The following LEPR variants were observed in gnomAD, a reference collection of about 807,000 sequenced individuals.
LEPR encodes OB receptor.
In LEPR, 56 loss-of-function variants were observed where a neutral mutation model predicts 114.7. The observed-to-expected ratio is 0.49, with a 90% CI of 0.39 to 0.61. LEPR has a LOEUF of 0.61. Ranked by LOEUF, LEPR falls within the 20% of genes least tolerant of loss-of-function variation. The probability of loss-of-function intolerance (pLI) is 0.00; values close to 1 mark genes in which losing one functional copy is unlikely to be tolerated. For synonymous variants in LEPR, 443 were observed against 461.4 expected (o/e 0.96, Z 0.51); for missense variants, 1,202 against 1,352.9 (o/e 0.89, Z 1.75).
At chr1:65,506,534 A>G (rs2100539939) in intron 2 of LEPR, among the ~76,000 whole-genome samples, 1 of 152,350 alleles carries the variant, frequency 6.6e-6, no homozygotes, top group Non-Finnish European at 1.5e-5. Flanking sequence ...TAGAACTTCC[A>G]TGTTCACAGA....
intron 15 of LEPR, 104 bp downstream of exon 15, chr1:65,616,328 A>G (rs1657521618): frequency 1.7e-6 from 2 of 1,207,792 alleles, no homozygotes; most frequent in Non-Finnish European, 2.3e-6. Flanking sequence ...AATTCTCTGC[A>G]TCTGAAAGTC....
chr1:65,421,783 T>C (rs1191465331), intron 1 of LEPR, among the ~76,000 whole-genome samples: 3 of 152,212 alleles, frequency 2.0e-5, no homozygotes, highest in Non-Finnish European at 2.9e-5. Context: ...TGAAAAGTAG[T>C]GTCTCAGTAC....
chr1:65,488,198 T>TCTCTCTCTCTC (rs1647633683), intron 2 of LEPR, among the ~76,000 whole-genome samples: 1 of 24,604 alleles, frequency 4.1e-5, no homozygotes, highest in Non-Finnish European at 8.1e-5. Context: ...CTTTCTTTCT[T>TCTCTCTCTCTC]TCTTTCTTTC....
intron 2 of LEPR, among the ~76,000 whole-genome samples, chr1:65,547,553 G>A (rs1399029172): frequency 6.6e-6 from 1 of 151,688 alleles, no homozygotes; most frequent in Non-Finnish European, 1.5e-5. Flanking sequence ...TATGTGTCGA[G>A]GAATTTATCC....
chr1:65,436,548 C>T (rs1440389397), intron 2 of LEPR, among the ~76,000 whole-genome samples: 1 of 151,994 alleles, frequency 6.6e-6, no homozygotes, highest in African/African-American at 2.4e-5. Flanking sequence ...TTGATAATAC[C>T]AACATAACTA....
At chr1:65,601,311 TTGTGAA>T in intron 8 of LEPR, 75 bp from the exon 9 acceptor site, 1 of 1,511,966 alleles carries the variant, frequency 6.6e-7, no homozygotes, top group South Asian at 1.2e-5. Context: ...CTGGAATGTG[TTGTGAA>T]TATTTTTCGA....
chr1:65,601,880 C>T lies in LEPR; in HGVS notation c.1323C>T (p.Tyr441=). The stretch of plus-strand genomic sequence containing the variant: ...ATATCTCATGTGAAACTGATGGGTA[C>T]TTAACTAAAATGACTTGCAGATGGT... ...NINISCETDG[Y]LTKMTCRWST... is the part of the protein sequence containing the mutation. The change falls in exon 10 of 20, where the codon TAC becomes TAT. Residue 441 remains tyrosine (Y), a synonymous_variant. Transcript: ENST00000349533. 6.2e-7 allele frequency: 1 copy of T among 1,613,564 alleles called. No homozygotes were observed. Among genetic ancestry groups the T allele is most frequent in the Non-Finnish European group, 8.5e-7 (1 of 1,179,650 alleles).
At chr1:65,568,007 G>A (rs1461725463) in intron 3 of LEPR, among the ~76,000 whole-genome samples, 2 of 152,076 alleles carry the variant, frequency 1.3e-5, no homozygotes, top group African/African-American at 4.8e-5. Flanking sequence ...ACCTTTATCT[G>A]CAGCTTTAGA....
chr1:65,472,615 G>T (rs12129378), intron 2 of LEPR, among the ~76,000 whole-genome samples: 16 of 137,144 alleles, frequency 1.2e-4, no homozygotes, highest in East Asian at 2.4e-4. Context: ...TATATATATA[G>T]ACACACACAC....
chr1:65,481,688 A>G (rs1194414195), intron 2 of LEPR, among the ~76,000 whole-genome samples: 17 of 152,070 alleles, frequency 1.1e-4, no homozygotes, highest in Non-Finnish European at 2.5e-4. Context: ...AAAAGTAATT[A>G]CAGCAATATG....
intron 2 of LEPR, among the ~76,000 whole-genome samples, chr1:65,457,165 T>A (rs1646887778): frequency 6.6e-6 from 1 of 152,186 alleles, no homozygotes; most frequent in South Asian, 2.1e-4. Context: ...TAAGCATACA[T>A]AAGCATATAG....
intron 2 of LEPR, among the ~76,000 whole-genome samples, chr1:65,542,070 G>C (rs1285013681): frequency 1.3e-5 from 2 of 152,086 alleles, no homozygotes; most frequent in Non-Finnish European, 2.9e-5. Context: ...TATAGATTTG[G>C]ATTTTTTCTT....
At chr1:65,545,811 A>G (rs1322394374) in intron 2 of LEPR, among the ~76,000 whole-genome samples, 1 of 151,608 alleles carries the variant, frequency 6.6e-6, no homozygotes. Context: ...CTTTAGTTTA[A>G]TGAGATCTCA....
At chr1:65,434,251 CTG>C in intron 2 of LEPR, 2 of 979,278 alleles carry the variant, frequency 2.0e-6, no homozygotes, top group Non-Finnish European at 2.4e-6. Context: ...ATTGCTATAT[CTG>C]AATATATAAT....
chr1:65,495,799 AC>A (rs1298771465), intron 2 of LEPR, among the ~76,000 whole-genome samples: 6 of 152,204 alleles, frequency 3.9e-5, no homozygotes, highest in Non-Finnish European at 8.8e-5. Flanking sequence ...TAAGCCAAGC[AC>A]AGAACGACAC....
intron 2 of LEPR, among the ~76,000 whole-genome samples, chr1:65,474,103 C>T (rs1036779870): frequency 6.6e-6 from 1 of 152,182 alleles, no homozygotes; most frequent in Admixed American, 6.5e-5. Flanking sequence ...TTAACAGCTT[C>T]GTATGTGTGT....
rs138606315 is a variant in LEPR, at chr1:65,551,454, A to G, written c.-20-14092A>G. Among the ~76,000 whole-genome samples, 700 of 152,278 alleles carry G rather than the reference A, an allele frequency of 4.6e-3. 9 individuals carry two copies. Among genetic ancestry groups the G allele is most frequent in the African/African-American group, 0.016 (681 of 41,544 alleles). Reference sequence around the variant, plus strand: ...CTAGTCTTGGGAGGTGTATGGGTCTAGGAATTTATCCATTTCTTCTAGATT... The same window carrying G: ...CTAGTCTTGGGAGGTGTATGGGTCTGGGAATTTATCCATTTCTTCTAGATT... On this transcript the variant is annotated intron_variant, in intron 2 of 19. Transcript: ENST00000349533.
At chr1:65,478,357 A>G (rs1489903712) in intron 2 of LEPR, among the ~76,000 whole-genome samples, 1 of 152,228 alleles carries the variant, frequency 6.6e-6, no homozygotes. Flanking sequence ...ATTATATTAC[A>G]TCTAAAAGGC....
At chr1:65,440,384 A>G (rs10889550) in intron 2 of LEPR, among the ~76,000 whole-genome samples, 19,098 of 151,318 alleles carry the variant, frequency 0.13, 2,290 homozygotes, top group African/African-American at 0.32. Flanking sequence ...GTAGGGAAGC[A>G]AAAAATAAAC....
Sources: gnomAD v4.1 joint callset for allele counts (sites outside exome capture counted in the v4.1 genomes callset) on GRCh38, gnomAD v4.1.1 for gene constraint, MANE v1.5 for transcripts, NCBI Gene and HGNC (gene_info 2026-07-23, HGNC 2026-07-21) for gene names.